HTR7: variants seen among roughly 807,000 people sequenced by gnomAD.
HTR7 encodes the protein 5-hydroxytryptamine receptor 7, also known as 5-HT-7.
HTR7 carries 16 observed loss-of-function variants against 34.0 expected under a neutral mutation model. That is an observed-to-expected ratio of 0.47 (90% CI 0.32 to 0.71). The LOEUF (loss-of-function observed/expected upper bound fraction) is 0.71. Among genes scored for constraint, HTR7 ranks in the 30% least tolerant of loss-of-function variants. The pLI, the probability that HTR7 is intolerant of heterozygous loss-of-function variation, is 0.04. For missense variants in HTR7, 504 were observed against 625.5 expected (o/e 0.81, Z 2.07); for synonymous variants, 265 against 260.2 (o/e 1.02, Z -0.18).
intron 1 of HTR7, among the ~76,000 whole-genome samples, chr10:90,794,872 A>T (rs1845514808): frequency 6.6e-6 from 1 of 152,220 alleles, no homozygotes; most frequent in Admixed American, 6.5e-5. Flanking sequence ...CGGCATCACC[A>T]CAAACACGTG....
chr10:90,745,826 A>AG (rs1401625490), intron 2 of HTR7, among the ~76,000 whole-genome samples: 1 of 152,224 alleles, frequency 6.6e-6, no homozygotes, highest in Non-Finnish European at 1.5e-5. Context: ...CTCATCAGTG[A>AG]GATGAGTAGT....
Position 90,814,854 on chromosome 10 carries a change from T to A in HTR7, c.539+42279A>T, listed in dbSNP as rs141169536. Among the ~76,000 whole-genome samples, 867 of 152,224 alleles carry A rather than the reference T, an allele frequency of 5.7e-3. 8 individuals carry two copies. The highest frequency in any genetic ancestry group is 0.02 in the African/African-American group (827 of 41,526). Reference sequence around the variant, plus strand: ...TTACCCTAGATTGGAGAAATTTTTTTAAAAAGTCAAAAGACAAAGATTACA... The same window carrying A: ...TTACCCTAGATTGGAGAAATTTTTTAAAAAAGTCAAAAGACAAAGATTACA... On this transcript the variant is annotated intron_variant, in intron 1 of 3. Coordinates refer to ENST00000336152, the MANE Select transcript of HTR7 (RefSeq NM_019859.4).
At chr10:90,744,219 G>A (rs1423582611) in intron 2 of HTR7, among the ~76,000 whole-genome samples, 1 of 150,306 alleles carries the variant, frequency 6.7e-6, no homozygotes, top group East Asian at 1.9e-4. Flanking sequence ...AAAGGGTTCT[G>A]ATTACAAGTC....
intron 1 of HTR7, among the ~76,000 whole-genome samples, chr10:90,834,370 T>A (rs1281208072): frequency 1.3e-5 from 2 of 148,758 alleles, no homozygotes; most frequent in Non-Finnish European, 3.0e-5. Flanking sequence ...TACATAAATA[T>A]GGGAACATAA....
At chr10:90,851,362 T>C (rs112940282) in intron 1 of HTR7, among the ~76,000 whole-genome samples, 210 of 152,250 alleles carry the variant, frequency 1.4e-3, no homozygotes, top group African/African-American at 4.7e-3. Context: ...ATCCCAGCAC[T>C]TTGGGAGGCC....
chr10:90,792,426 A>C (rs1845472897), intron 1 of HTR7, among the ~76,000 whole-genome samples: 1 of 151,976 alleles, frequency 6.6e-6, no homozygotes, highest in South Asian at 2.1e-4. Context: ...ATTAATCATA[A>C]TTCTTGATTT....
chr10:90,850,877 A>G (rs1030861866), intron 1 of HTR7, among the ~76,000 whole-genome samples: 1 of 152,232 alleles, frequency 6.6e-6, no homozygotes, highest in African/African-American at 2.4e-5. Flanking sequence ...AGAAAAGAGT[A>G]AGAAATATGT....
rs553518924 is a variant in HTR7, at chr10:90,792,928, AG to A, written c.540-43335del. On this transcript the variant is annotated intron_variant, in intron 1 of 3. Transcript: ENST00000336152. ...AAAATGAACTGAAGACCTAAATATA[AG>A]CCCTAAAACTATAAAACTCCTAAAA... is the stretch of plus-strand genomic sequence containing the variant. 1.7e-4 allele frequency among the ~76,000 whole-genome samples: 26 copies of A among 152,308 alleles called. No individual in the cohort carries two copies. The East Asian group carries it at 4.8e-3, about 28-fold the overall frequency.
At chr10:90,843,597 A>C (rs1846363035) in intron 1 of HTR7, among the ~76,000 whole-genome samples, 1 of 152,190 alleles carries the variant, frequency 6.6e-6, no homozygotes, top group African/African-American at 2.4e-5. Flanking sequence ...AGAAGACCAG[A>C]ATTGCCAAAA....
intron 1 of HTR7, among the ~76,000 whole-genome samples, chr10:90,842,086 T>C (rs1846337830): frequency 6.6e-6 from 1 of 152,216 alleles, no homozygotes; most frequent in South Asian, 2.1e-4. Context: ...AAAATTCATA[T>C]ATTGGAACTT....
At chr10:90,760,167 T>C (rs953341650) in intron 1 of HTR7, among the ~76,000 whole-genome samples, 3 of 152,200 alleles carry the variant, frequency 2.0e-5, no homozygotes, top group African/African-American at 7.2e-5. Context: ...CACAATTAAA[T>C]ACTATTCAGC....
intron 1 of HTR7, among the ~76,000 whole-genome samples, chr10:90,825,914 T>TC (rs1846065507): frequency 6.6e-6 from 1 of 151,944 alleles, no homozygotes. Flanking sequence ...AAAGAGGAAG[T>TC]GGAGAGAGAG....
chr10:90,815,470 T>C (rs1845884351), intron 1 of HTR7, among the ~76,000 whole-genome samples: 1 of 152,210 alleles, frequency 6.6e-6, no homozygotes, highest in Admixed American at 6.5e-5. Context: ...GGGAGAGGTT[T>C]CCCCTACCTA....
intron 1 of HTR7, among the ~76,000 whole-genome samples, chr10:90,752,759 T>A (rs117926841): frequency 6.6e-6 from 1 of 152,110 alleles, no homozygotes; most frequent in Non-Finnish European, 1.5e-5. Flanking sequence ...TAGTAAAAAA[T>A]TGGATATTCT....
chr10:90,844,389 G>A (rs1564701313), intron 1 of HTR7, among the ~76,000 whole-genome samples: 1 of 152,130 alleles, frequency 6.6e-6, no homozygotes, highest in African/African-American at 2.4e-5. Flanking sequence ...CTGGTATGCA[G>A]ATGAGTTTGG....
intron 1 of HTR7, among the ~76,000 whole-genome samples, chr10:90,839,826 C>G (rs2120084089): frequency 6.6e-6 from 1 of 152,088 alleles, no homozygotes; most frequent in South Asian, 2.1e-4. Context: ...TTGTTTGCAA[C>G]CAGAAGCTAA....
rs766954664 is a variant in HTR7 at position 90,749,123 on chromosome 10, G to T, written c.1011C>A (p.Thr337=). The change falls in exon 2 of 4, where the codon ACC becomes ACA. Residue 337 remains threonine, a synonymous_variant. Transcript: ENST00000336152. The surrounding 1 kb of genome is among the most constrained non-coding windows in gnomAD (Gnocchi z 4.2). ...TTLGIIVGAF[T]VCWLPFFLLS... ...GGAGGAAAAATGGCAGCCAGCACACGGTAAAGGCCCCGACGATGATCCCCA... is the reference window on the plus strand; with the variant it reads ...GGAGGAAAAATGGCAGCCAGCACACTGTAAAGGCCCCGACGATGATCCCCA... 6.2e-7 allele frequency: 1 copy of T among 1,614,158 alleles called. No homozygotes were observed.
chr10:90,777,918 C>T (rs1343429803), intron 1 of HTR7, among the ~76,000 whole-genome samples: 1 of 152,190 alleles, frequency 6.6e-6, no homozygotes, highest in Non-Finnish European at 1.5e-5. Context: ...TCCACCACCC[C>T]CAAATCCCAC....
intron 1 of HTR7, among the ~76,000 whole-genome samples, chr10:90,758,331 C>G (rs1251102098): frequency 1.2e-5 from 1 of 80,306 alleles, no homozygotes; most frequent in Non-Finnish European, 2.3e-5. Context: ...GGCGACAAAG[C>G]AAGGCTCTGT....
Sources: allele counts gnomAD v4.1 joint callset (sites outside exome capture counted in the v4.1 genomes callset), GRCh38; gene constraint gnomAD v4.1.1; non-coding constraint Gnocchi (gnomAD v3.1); transcripts MANE v1.5; gene names NCBI Gene and HGNC (gene_info 2026-07-23, HGNC 2026-07-21).